FBXO24: variants seen among roughly 807,000 people sequenced by gnomAD.
The protein encoded by FBXO24 is F-box protein 24, also known as F-box only protein 24.
A neutral mutation model predicts 63.5 loss-of-function variants in FBXO24; 30 were observed. The ratio of observed to expected loss-of-function variants is 0.47; its 90% CI spans 0.35 to 0.64. The LOEUF (loss-of-function observed/expected upper bound fraction) is 0.64. FBXO24 is among the 30% of genes least tolerant of loss of function. FBXO24 has a pLI of 0.00. For missense variants in FBXO24, 624 were observed against 763.4 expected, an observed-to-expected ratio of 0.82 and a Z score of 2.15; for synonymous variants, 300 against 305.0, an observed-to-expected ratio of 0.98 and a Z score of 0.17.
intron 3 of FBXO24, among the ~76,000 whole-genome samples, chr7:100,590,758 C>T (rs1179942534): frequency 1.3e-5 from 2 of 152,178 alleles, no homozygotes; most frequent in East Asian, 3.9e-4. Context: ...ACCCTGGCCT[C>T]CACCCACCAG....
rs1460339436 is a variant in FBXO24 at position 100,594,131 on chromosome 7, C to T, written c.794-252C>T. 6.6e-6 allele frequency among the ~76,000 whole-genome samples: 1 copy of T among 152,110 alleles called. No homozygotes were observed. Among genetic ancestry groups the T allele is most frequent in the Non-Finnish European group, 1.5e-5 (1 of 68,024 alleles). ...CCAGGCAGGGCCCTCAATCCCCAGA[C>T]CTCTCACTCAAATCGGATTCTAACA... On this transcript the variant is annotated intron_variant, in intron 5 of 9. Transcript: ENST00000241071. This position sits in a 1 kb window ranked among gnomAD's most constrained non-coding sequence, Gnocchi z 4.2.
intron 1 of FBXO24, chr7:100,589,694 G>A (rs529849954): frequency 2.6e-6 from 4 of 1,543,568 alleles, no homozygotes; most frequent in Non-Finnish European, 3.5e-6. Context: ...GGAGACAGGA[G>A]GGCAGGAGCA....
chr7:100,589,223 ATCTCACCTG>A (rs1801883879), intron 1 of FBXO24, among the ~76,000 whole-genome samples: 1 of 152,070 alleles, frequency 6.6e-6, no homozygotes, highest in Admixed American at 6.5e-5. Context: ...TCACCTCTCC[ATCTCACCTG>A]TCAAACTGAG....
chr7:100,599,804 T>G, intron 8 of FBXO24: 1 of 542,774 alleles, frequency 1.8e-6, no homozygotes, highest in Non-Finnish European at 3.3e-6. Context: ...GCTGATTTTC[T>G]GGGGGCATAG....
At chr7:100,586,701 C>A (rs763159976) in intron 1 of FBXO24, 37 bp downstream of exon 1, 3 of 1,612,666 alleles carry the variant, frequency 1.9e-6, no homozygotes, top group Non-Finnish European at 2.5e-6. Flanking sequence ...TAAGAATGAA[C>A]GCGGAGCCCC....
chr7:100,600,208 G>A lies in FBXO24; in HGVS notation c.1377+7G>A. ...CGTCAAGCTCCAAGTCAAGGTCAGA[G>A]CGGGGTCAGGAGAGTGGGCACCCAG... is the stretch of plus-strand genomic sequence containing the variant. On this transcript the variant is annotated splice_region_variant and intron_variant, in intron 9 of 9. Transcript: ENST00000241071. This position sits in a 1 kb window ranked among gnomAD's most constrained non-coding sequence, Gnocchi z 6.3. 2 of 1,538,950 alleles carry A rather than the reference G, an allele frequency of 1.3e-6. No homozygotes were observed. The highest frequency in any genetic ancestry group is 1.2e-5 in the South Asian group (1 of 81,998).
At chr7:100,590,445 C>T (rs1385639103) in intron 3 of FBXO24, 88 bp downstream of exon 3, 3 of 1,359,788 alleles carry the variant, frequency 2.2e-6, no homozygotes, top group African/African-American at 2.9e-5. Flanking sequence ...GACCCCCACA[C>T]TCCCAACAGT....
At position 100,589,666 on chromosome 7, in the gene FBXO24, G is replaced by C. The variant is rs766541851; in HGVS notation, c.40-311G>C. The C allele has an allele frequency of 1.2e-5, 18 of 1,504,770 alleles. No homozygotes were observed. The highest frequency in any genetic ancestry group is 2.8e-5 in the African/African-American group (2 of 71,270). 93.2% of individuals were successfully genotyped at this position (1,504,770 alleles called of 1,614,324 possible). A position where few individuals can be genotyped will look rare whatever the true frequency, so the allele number is the denominator to read the frequency against. On this transcript the variant is annotated intron_variant, in intron 1 of 9. Transcript: ENST00000241071. ...ATGGTGTGGGAAAGCCAGCAGGAAC[G>C]GGGGGGCCAAGGGCCTAGGAGACAG... is the stretch of plus-strand genomic sequence containing the variant.
At chr7:100,598,831 T>C (rs562974007) in intron 8 of FBXO24, among the ~76,000 whole-genome samples, 3 of 151,606 alleles carry the variant, frequency 2.0e-5, no homozygotes, top group East Asian at 1.9e-4. Context: ...CAAAAGAAAT[T>C]AGCCAGGTGT....
At chr7:100,599,784 C>G in intron 8 of FBXO24, 1 of 500,172 alleles carries the variant, frequency 2.0e-6, no homozygotes. Flanking sequence ...GCCCTGGGCT[C>G]AGGCAAGGAG....
At position 100,600,128 on chromosome 7, in the gene FBXO24, G is replaced by T; in HGVS notation, c.1304G>T (p.Cys435Phe). 6.2e-7 allele frequency: 1 copy of T among 1,602,158 alleles called. No individual in the cohort carries two copies. Among genetic ancestry groups the T allele is most frequent in the Non-Finnish European group, 8.5e-7 (1 of 1,175,258 alleles). Residue 435 changes from cysteine to phenylalanine, a missense_variant, in exon 9 of 10, where the codon TGC becomes TTC. Coordinates refer to ENST00000241071, the MANE Select transcript of FBXO24 (RefSeq NM_033506.3). The surrounding 1 kb of genome is among the most constrained non-coding windows in gnomAD (Gnocchi z 6.3). ...SSEFSKELLG[C>F]GCGAGGRLPG... ...GAGTTCAGCAAGGAGCTGCTGGGCTGCGGCTGTGGGGCTGGGGGCCGCCTC... is the reference window on the plus strand; with the variant it reads ...GAGTTCAGCAAGGAGCTGCTGGGCTTCGGCTGTGGGGCTGGGGGCCGCCTC...
chr7:100,597,899 T>G (rs1802391904), intron 8 of FBXO24, among the ~76,000 whole-genome samples: 2 of 151,146 alleles, frequency 1.3e-5, no homozygotes, highest in South Asian at 2.1e-4. Context: ...TTTTGTTTTT[T>G]TTTTTTTTAG....
intron 1 of FBXO24, chr7:100,589,671 G>A (rs564396138): frequency 1.8e-5 from 28 of 1,517,136 alleles, no homozygotes; most frequent in East Asian, 9.9e-5. Context: ...GGAACGGGGG[G>A]GCCAAGGGCC....
At position 100,590,054 on chromosome 7, in the gene FBXO24, C is replaced by T; in HGVS notation, c.117C>T (p.Ile39=). 6.2e-7 allele frequency: 1 copy of T among 1,613,522 alleles called. No homozygotes were observed. The highest frequency in any genetic ancestry group is 1.1e-5 in the South Asian group (1 of 90,984). The part of the protein sequence containing the change: ...EKRGKGNPIS[I]QLFPPELVEH... The stretch of plus-strand genomic sequence containing the variant: ...GGGGGAAAGGAAATCCGATTTCCAT[C>T]CAGTTGTTCCCCCCAGAGCTGGTGA... Residue 39 remains isoleucine, a synonymous_variant, in exon 2 of 10, where the codon ATC becomes ATT. Transcript: ENST00000241071.
At chr7:100,599,410 C>A (rs1802475953) in intron 8 of FBXO24, among the ~76,000 whole-genome samples, 1 of 151,774 alleles carries the variant, frequency 6.6e-6, no homozygotes, top group Non-Finnish European at 1.5e-5. Context: ...CCCTTCTCTA[C>A]TAAAAATACA....
At chr7:100,589,410 T>C in intron 1 of FBXO24, 5 of 1,209,186 alleles carry the variant, frequency 4.1e-6, no homozygotes, top group Non-Finnish European at 5.1e-6. Context: ...CTACCAGTAA[T>C]TCACACTTTA....
chr7:100,587,651 G>C (rs1801821596), intron 1 of FBXO24, among the ~76,000 whole-genome samples: 1 of 147,848 alleles, frequency 6.8e-6, no homozygotes, highest in Non-Finnish European at 1.5e-5. Flanking sequence ...CCAGGCTGGA[G>C]TGCAGTGGTG....
rs372486506 is a variant in FBXO24, at chr7:100,594,496, G to T, written c.907G>T (p.Val303Leu). The T allele has an allele frequency of 6.2e-7, 1 of 1,612,778 alleles. No individual in the cohort carries two copies. The highest frequency in any genetic ancestry group is 1.3e-5 in the African/African-American group (1 of 74,948). The change falls in exon 6 of 10, where the codon GTG becomes TTG. Residue 303 changes from valine (V) to leucine (L), a missense_variant. Transcript: ENST00000241071. This position sits in a 1 kb window ranked among gnomAD's most constrained non-coding sequence, Gnocchi z 4.2. ...GTCCCACTACCTGCCTCACCTGCGC[G>T]TGGCCTGCATGACTTCCAACCAGAG... ...KVSHYLPHLR[V>L]ACMTSNQSST...
chr7:100,594,716 C>T lies in FBXO24; in HGVS notation c.952+175C>T, dbSNP rs902588581. ...CTGTAATCCCATCACTTTGGGAAAC[C>T]GAGGCAGGTGAATCACCTGAGGTCA... On this transcript the variant is annotated intron_variant, in intron 6 of 9. Transcript: ENST00000241071. The surrounding 1 kb of genome is among the most constrained non-coding windows in gnomAD (Gnocchi z 4.2). Among the ~76,000 whole-genome samples, 4 of 152,116 alleles carry T rather than the reference C, an allele frequency of 2.6e-5. No individual in the cohort carries two copies. Among genetic ancestry groups the T allele is most frequent in the East Asian group, 1.9e-4 (1 of 5,196 alleles).
Sources: gnomAD v4.1 joint callset for allele counts (sites outside exome capture counted in the v4.1 genomes callset) on GRCh38, gnomAD v4.1.1 for gene constraint, Gnocchi (gnomAD v3.1) non-coding constraint, MANE v1.5 for transcripts, NCBI Gene and HGNC (gene_info 2026-07-23, HGNC 2026-07-21) for gene names.